LAMA2: variants seen among roughly 807,000 people sequenced by gnomAD.
The protein encoded by LAMA2 is laminin subunit alpha-2.
In LAMA2, 269 loss-of-function variants were observed where a neutral mutation model predicts 364.8. The observed-to-expected ratio is 0.74, with a 90% CI of 0.67 to 0.82. The LOEUF is 0.82. Ranked by LOEUF, LAMA2 falls within the 40% of genes least tolerant of loss-of-function variation. The pLI, the probability that LAMA2 is intolerant of heterozygous loss-of-function variation, is 0.00. For missense variants in LAMA2, 3,807 were observed against 3,873.2 expected, an observed-to-expected ratio of 0.98 and a Z score of 0.45; for synonymous variants, 1,379 against 1,370.6, an observed-to-expected ratio of 1.01 and a Z score of -0.14.
At chr6:129,361,189 A>G (rs957466568) in intron 32 of LAMA2, among the ~76,000 whole-genome samples, 2 of 152,206 alleles carry the variant, frequency 1.3e-5, no homozygotes, top group Non-Finnish European at 2.9e-5. Context: ...TCTGCCCAAA[A>G]TACATCTTCA....
chr6:129,349,425 G>A, intron 31 of LAMA2, 41 bp downstream of exon 31: 2 of 1,409,154 alleles, frequency 1.4e-6, no homozygotes, highest in Non-Finnish European at 2.0e-6. Flanking sequence ...TGATATGTAG[G>A]GACTATATGG....
At chr6:129,078,251 C>T (rs1316303042) in intron 3 of LAMA2, among the ~76,000 whole-genome samples, 3 of 152,112 alleles carry the variant, frequency 2.0e-5, no homozygotes, top group South Asian at 2.1e-4. Context: ...TCTCCTGCCT[C>T]GGCTTCCTGA....
chr6:129,355,055 G>C (rs1487154319), intron 32 of LAMA2, among the ~76,000 whole-genome samples: 1 of 152,080 alleles, frequency 6.6e-6, no homozygotes, highest in East Asian at 1.9e-4. Flanking sequence ...TCAGTTGCTG[G>C]ACTGGAAGTG....
intron 35 of LAMA2, among the ~76,000 whole-genome samples, chr6:129,383,861 T>TC (rs1218811445): frequency 6.6e-6 from 1 of 152,196 alleles, no homozygotes; most frequent in Non-Finnish European, 1.5e-5. Flanking sequence ...AAAAACCTAG[T>TC]CCTTAAATAT....
intron 3 of LAMA2, among the ~76,000 whole-genome samples, chr6:129,081,339 A>C (rs1011531763): frequency 1.3e-5 from 2 of 152,168 alleles, no homozygotes; most frequent in Non-Finnish European, 2.9e-5. Flanking sequence ...ACATGTATAC[A>C]TATGTAACAA....
chr6:128,974,146 A>G (rs1281585751), intron 1 of LAMA2, among the ~76,000 whole-genome samples: 2 of 152,200 alleles, frequency 1.3e-5, no homozygotes, highest in African/African-American at 4.8e-5. Context: ...TTAGAGTAAT[A>G]CAGGGTACAC....
chr6:129,149,239 G>A lies in LAMA2; in HGVS notation c.1027+143G>A. The stretch of plus-strand genomic sequence containing the variant: ...TTATCACTTCGAAGACAACCCATAT[G>A]TCTAGCTTTTCCTAAAGGGAAATAT... On this transcript the variant is annotated intron_variant, in intron 7 of 64. Transcript: ENST00000421865. 4.3e-6 allele frequency: 3 copies of A among 698,784 alleles called. 1 individual carries two copies. In the South Asian group the frequency reaches 4.6e-5, roughly 11 times the overall value. The allele number at this position is 698,784 out of a possible 1,614,324, so 43.3% of individuals were successfully genotyped here.
At chr6:129,007,655 T>A (rs1347405333) in intron 1 of LAMA2, among the ~76,000 whole-genome samples, 5 of 152,210 alleles carry the variant, frequency 3.3e-5, no homozygotes, top group Admixed American at 2.0e-4. Flanking sequence ...TTTTCTTCAC[T>A]AATGGGGATT....
At chr6:129,125,602 G>A (rs1054188126) in intron 4 of LAMA2, among the ~76,000 whole-genome samples, 4 of 152,122 alleles carry the variant, frequency 2.6e-5, no homozygotes, top group Non-Finnish European at 4.4e-5. Context: ...GGAAATGTGT[G>A]CTTAGACCTT....
At chr6:129,068,526 A>G (rs9492218) in intron 3 of LAMA2, among the ~76,000 whole-genome samples, 31,664 of 152,068 alleles carry the variant, frequency 0.21, 4,638 homozygotes, top group African/African-American at 0.41. Context: ...TTATAAGGGT[A>G]CTAATTCCAT....
At chr6:128,976,737 A>G (rs758852831) in intron 1 of LAMA2, among the ~76,000 whole-genome samples, 6 of 152,190 alleles carry the variant, frequency 3.9e-5, no homozygotes, top group Non-Finnish European at 7.3e-5. Flanking sequence ...TATCATAAAT[A>G]TCATACGAAT....
At chr6:128,890,791 A>G (rs2114383115) in intron 1 of LAMA2, among the ~76,000 whole-genome samples, 1 of 152,208 alleles carries the variant, frequency 6.6e-6, no homozygotes, top group African/African-American at 2.4e-5. Flanking sequence ...TATACTGTAT[A>G]ATGAACCCTT....
intron 53 of LAMA2, among the ~76,000 whole-genome samples, chr6:129,478,081 A>T (rs925095695): frequency 6.6e-5 from 10 of 152,202 alleles, no homozygotes; most frequent in Non-Finnish European, 1.5e-4. Flanking sequence ...GGAATGAGCC[A>T]CTACACTCGG....
chr6:129,137,233 T>G (rs1777847523), intron 4 of LAMA2, among the ~76,000 whole-genome samples: 1 of 151,704 alleles, frequency 6.6e-6, no homozygotes, highest in Middle Eastern at 3.4e-3. Context: ...TATTTGGTCG[T>G]GTAAATTTCT....
chr6:129,161,554 C>T (rs2114987592), intron 8 of LAMA2, among the ~76,000 whole-genome samples: 1 of 152,050 alleles, frequency 6.6e-6, no homozygotes, highest in East Asian at 1.9e-4. Flanking sequence ...ATTTTAGGTT[C>T]AGGTAGTACA....
chr6:129,019,260 A>G (rs1374982402), intron 1 of LAMA2, among the ~76,000 whole-genome samples: 1 of 151,712 alleles, frequency 6.6e-6, no homozygotes, highest in Non-Finnish European at 1.5e-5. Context: ...TTCAATTTAT[A>G]TACTTATTCC....
chr6:129,390,469 C>A (rs1266896642), intron 35 of LAMA2, among the ~76,000 whole-genome samples: 1 of 152,050 alleles, frequency 6.6e-6, no homozygotes, highest in African/African-American at 2.4e-5. Flanking sequence ...TTTCAGGAAT[C>A]TCTATGTCAT....
chr6:129,289,575 A>T (rs1015322522), intron 19 of LAMA2, among the ~76,000 whole-genome samples: 1 of 150,972 alleles, frequency 6.6e-6, no homozygotes, highest in East Asian at 1.9e-4. Context: ...AATAACCCCC[A>T]CCCCCATAAA....
At chr6:129,461,778 G>A (rs564470330) in intron 49 of LAMA2, among the ~76,000 whole-genome samples, 6 of 148,988 alleles carry the variant, frequency 4.0e-5, no homozygotes, top group East Asian at 2.0e-4. Context: ...CTATGTATAC[G>A]TAGGGTGTTT....
Sources: allele counts gnomAD v4.1 joint callset (sites outside exome capture counted in the v4.1 genomes callset), GRCh38; gene constraint gnomAD v4.1.1; transcripts MANE v1.5; gene names NCBI Gene and HGNC (gene_info 2026-07-23, HGNC 2026-07-21).